TANK: variants seen among roughly 807,000 people sequenced by gnomAD.
TANK encodes the protein TRAF family member-associated NF-kappa-B activator.
TANK carries 15 observed loss-of-function variants against 43.6 expected under a neutral mutation model. That is an observed-to-expected ratio of 0.34 (90% CI 0.23 to 0.53). The LOEUF (loss-of-function observed/expected upper bound fraction) is 0.53. Among genes scored for constraint, TANK ranks in the 20% least tolerant of loss-of-function variants. The pLI is 0.94. For synonymous variants in TANK, 162 were observed against 178.2 expected, an observed-to-expected ratio of 0.91 and a Z score of 0.73; for missense variants, 417 against 498.6, an observed-to-expected ratio of 0.84 and a Z score of 1.56.
chr2:161,189,783 G>T (rs1685830087), intron 2 of TANK, among the ~76,000 whole-genome samples: 1 of 152,062 alleles, frequency 6.6e-6, no homozygotes, highest in African/African-American at 2.4e-5. Context: ...TATATGGAAA[G>T]AAATCACATT....
chr2:161,213,518 G>A (rs531927660), intron 4 of TANK, among the ~76,000 whole-genome samples: 5 of 150,730 alleles, frequency 3.3e-5, no homozygotes, highest in East Asian at 2.0e-4. Flanking sequence ...CAGGAGAATC[G>A]CTTGAACCTA....
At chr2:161,160,172 A>C (rs1031821431), upstream of TANK, 13 of 378,142 alleles carry the variant, frequency 3.4e-5, no homozygotes, top group Non-Finnish European at 5.6e-5. Flanking sequence ...GCAAAGACTC[A>C]CAAGTGACCT....
chr2:161,137,107 A>G, intron 1 of TANK: 1 of 985,480 alleles, frequency 1.0e-6, no homozygotes, highest in South Asian at 4.7e-5. Context: ...AACCTAGGAA[A>G]GGGGCCTGGA....
At chr2:161,224,444 T>A (rs1401172184) in intron 5 of TANK, among the ~76,000 whole-genome samples, 187 bp from the exon 6 acceptor site, 1 of 152,102 alleles carries the variant, frequency 6.6e-6, no homozygotes, top group Non-Finnish European at 1.5e-5. Context: ...ATTTATCACT[T>A]ACTTTGTGCC....
chr2:161,180,163 CT>C, intron 2 of TANK: 1 of 958,400 alleles, frequency 1.0e-6, no homozygotes, highest in Non-Finnish European at 1.2e-6. Flanking sequence ...CTTTTCAAAT[CT>C]TAAAATATTT....
intron 7 of TANK, 151 bp downstream of exon 7, chr2:161,231,702 T>G (rs1687919632): frequency 4.2e-6 from 3 of 706,524 alleles, no homozygotes; most frequent in Non-Finnish European, 2.3e-6. Flanking sequence ...AGTCCCATAA[T>G]AAATGACATG....
At chr2:161,193,366 A>G (rs981856742) in intron 2 of TANK, among the ~76,000 whole-genome samples, 2 of 152,180 alleles carry the variant, frequency 1.3e-5, no homozygotes, top group Admixed American at 1.3e-4. Flanking sequence ...TGAATTGGTT[A>G]TTATATAGGA....
At chr2:161,198,541 A>G (rs1303300204) in intron 2 of TANK, among the ~76,000 whole-genome samples, 2 of 152,142 alleles carry the variant, frequency 1.3e-5, no homozygotes, top group East Asian at 3.9e-4. Flanking sequence ...CATTGGCCTC[A>G]CTCCCACGGC....
chr2:161,179,530 T>G (rs1685323034), intron 1 of TANK, 84 bp from the exon 2 acceptor site: 1 of 1,269,122 alleles, frequency 7.9e-7, no homozygotes. Flanking sequence ...GTGGTAAACC[T>G]TATAGAACTA....
chr2:161,142,867 A>G (rs1420079261), intron 1 of TANK, among the ~76,000 whole-genome samples: 3 of 152,066 alleles, frequency 2.0e-5, no homozygotes, highest in Non-Finnish European at 4.4e-5. Flanking sequence ...GAAAAATGTC[A>G]GTGGTAGTTT....
chr2:161,216,445 A>T (rs1397273811), intron 4 of TANK: 1 of 467,160 alleles, frequency 2.1e-6, no homozygotes, highest in Non-Finnish European at 4.4e-6. Flanking sequence ...CCTGAGCCGT[A>T]AGCATAAAGT....
chr2:161,139,535 G>A (rs915277223), intron 1 of TANK, among the ~76,000 whole-genome samples: 1 of 152,108 alleles, frequency 6.6e-6, no homozygotes, highest in African/African-American at 2.4e-5. Context: ...CAAATATTGT[G>A]ATATGAAAAT....
intron 1 of TANK, among the ~76,000 whole-genome samples, chr2:161,140,824 A>G (rs1015565879): frequency 4.6e-5 from 7 of 151,640 alleles, no homozygotes; most frequent in African/African-American, 1.7e-4. Flanking sequence ...TTTTTTTTTA[A>G]TGAATAGTCT....
intron 4 of TANK, chr2:161,207,360 A>G (rs1686698124): frequency 3.4e-5 from 33 of 959,788 alleles, no homozygotes; most frequent in Non-Finnish European, 4.0e-5. Flanking sequence ...CTAATAGGGG[A>G]AAGGTTTATG....
At position 161,234,964 on chromosome 2, in the gene TANK, A is replaced by G. The variant is rs1688108671; in HGVS notation, c.1102-378A>G. ...CTATGTAATTAATAAAGCCCCTATAATTTAAGGTTTTTATTGTAAAAAACA... is the reference window on the plus strand; with the variant it reads ...CTATGTAATTAATAAAGCCCCTATAGTTTAAGGTTTTTATTGTAAAAAACA... On this transcript the variant is annotated intron_variant, in intron 7 of 7. Transcript: ENST00000392749. 2.0e-5 allele frequency among the ~76,000 whole-genome samples: 3 copies of G among 152,224 alleles called. No individual in the cohort carries two copies. In the South Asian group the frequency reaches 6.2e-4, roughly 31 times the overall value.
chr2:161,188,424 A>G (rs977881452), intron 2 of TANK, among the ~76,000 whole-genome samples: 2 of 152,154 alleles, frequency 1.3e-5, no homozygotes, highest in Non-Finnish European at 1.5e-5. Context: ...AACAGATTGG[A>G]TAAGCTAGTA....
chr2:161,206,819 TAAAC>T (rs1686674858), intron 4 of TANK, among the ~76,000 whole-genome samples: 2 of 152,134 alleles, frequency 1.3e-5, no homozygotes, highest in Non-Finnish European at 2.9e-5. Context: ...AGTGCTTAAA[TAAAC>T]AATATTTCTA....
At chr2:161,199,963 G>A (rs1378766316) in intron 2 of TANK, among the ~76,000 whole-genome samples, 2 of 152,180 alleles carry the variant, frequency 1.3e-5, no homozygotes, top group African/African-American at 4.8e-5. Context: ...TTAGATGCTG[G>A]TAGACCACTT....
chr2:161,160,799 G>A (rs1684388401), intron 1 of TANK: 1 of 550,148 alleles, frequency 1.8e-6, no homozygotes, highest in African/African-American at 1.9e-5. Flanking sequence ...GGGAAATGGG[G>A]GTGGAAGGGC....
Sources: allele counts gnomAD v4.1 joint callset (sites outside exome capture counted in the v4.1 genomes callset), GRCh38; gene constraint gnomAD v4.1.1; transcripts MANE v1.5; gene names NCBI Gene and HGNC (gene_info 2026-07-23, HGNC 2026-07-21).